OTUB2: variants seen among roughly 807,000 people sequenced by gnomAD.
OTUB2 encodes the protein OTU deubiquitinase, ubiquitin aldehyde binding 2.
Under a neutral mutation model 25.1 loss-of-function variants are expected in OTUB2, and 21 were observed. The ratio of observed to expected loss-of-function variants is 0.84; its 90% CI spans 0.59 to 1.21. The LOEUF is 1.21. Ranked by LOEUF, OTUB2 falls within the 50% of genes most tolerant of loss-of-function variation. The pLI is 0.00. For missense variants in OTUB2, 283 were observed against 298.0 expected, an observed-to-expected ratio of 0.95 and a Z score of 0.37; for synonymous variants, 122 against 122.8, an observed-to-expected ratio of 0.99 and a Z score of 0.04.
In OTUB2 at chr14:94,045,889, C is replaced by G. The variant is rs1210619648; in HGVS notation, c.672C>G (p.His224Gln). ...PSVYLLYKTS[H>Q]YNILYAADKH ...TTTACCTGCTCTATAAAACATCCCACTACAACATCCTTTATGCAGCCGATA... is the reference window on the plus strand; with the variant it reads ...TTTACCTGCTCTATAAAACATCCCAGTACAACATCCTTTATGCAGCCGATA... Residue 224 changes from histidine to glutamine, a missense_variant, in exon 6 of 6, where the codon CAC becomes CAG. Transcript: ENST00000203664. 6.2e-7 allele frequency: 1 copy of G among 1,614,234 alleles called. No individual in the cohort carries two copies. Among genetic ancestry groups the G allele is most frequent in the South Asian group, 1.1e-5 (1 of 91,082 alleles).
Position 94,046,005 on chromosome 14 carries a change from G to A in OTUB2, c.*83G>A. 6.8e-7 allele frequency: 1 copy of A among 1,474,964 alleles called. No homozygotes were observed. The highest frequency in any genetic ancestry group is 9.3e-7 in the Non-Finnish European group (1 of 1,073,108). 91.4% of individuals were successfully genotyped at this position (1,474,964 alleles called of 1,614,324 possible). A position where few individuals can be genotyped will look rare whatever the true frequency, so the allele number is the denominator to read the frequency against. ...ACATTCCGGCTCTTCAATTTTTTAA[G>A]CAATTTAGACTGTAGCAAGAAAATG... On this transcript the variant is annotated 3_prime_UTR_variant, in exon 6 of 6. Coordinates refer to ENST00000203664, the MANE Select transcript of OTUB2 (RefSeq NM_023112.4).
At chr14:94,027,779 C>G (rs1378125507) in intron 1 of OTUB2, among the ~76,000 whole-genome samples, 2 of 152,230 alleles carry the variant, frequency 1.3e-5, no homozygotes, top group South Asian at 4.1e-4. Context: ...CGAGCTGGGA[C>G]TGTCCTTGCC....
chr14:94,044,642 G>T lies in OTUB2; in HGVS notation c.360G>T (p.Lys120Asn), dbSNP rs1312236042. 2 of 1,614,178 alleles carry T rather than the reference G, an allele frequency of 1.2e-6. No homozygotes were observed. The highest frequency in any genetic ancestry group is 1.7e-6 in the Non-Finnish European group (2 of 1,180,040). Residue 120 changes from lysine to asparagine, a missense_variant, in exon 5 of 6, where the codon AAG becomes AAT. Physicochemically the swap from Lys to Asn is moderately conservative, Grantham distance 94. Transcript: ENST00000203664. ...ATGGCTCAGTGTCCAGCCTGCTGAAGGTGTTCAACGACCAGAGTGCCTCGG... is the reference window on the plus strand; with the variant it reads ...ATGGCTCAGTGTCCAGCCTGCTGAATGTGTTCAACGACCAGAGTGCCTCGG... ...EKDGSVSSLL[K>N]VFNDQSASDH...
At chr14:94,034,773 G>A (rs7144849) in intron 1 of OTUB2, among the ~76,000 whole-genome samples, 10,306 of 152,234 alleles carry the variant, frequency 0.068, 1,081 homozygotes, top group African/African-American at 0.23. Flanking sequence ...CATCTGCATT[G>A]ACGGTGGGAA....
At chr14:94,035,497 G>A (rs909887692) in intron 1 of OTUB2, among the ~76,000 whole-genome samples, 1 of 151,862 alleles carries the variant, frequency 6.6e-6, no homozygotes, top group Non-Finnish European at 1.5e-5. Flanking sequence ...CGCCATCTTG[G>A]ACAGGCTGGT....
At chr14:94,037,876 G>T (rs1452260169) in intron 2 of OTUB2, among the ~76,000 whole-genome samples, 1 of 152,256 alleles carries the variant, frequency 6.6e-6, no homozygotes, top group Non-Finnish European at 1.5e-5. Flanking sequence ...ATTCATAACT[G>T]CTGTGCTGGG....
chr14:94,044,415 C>T (rs566515522), intron 4 of OTUB2, among the ~76,000 whole-genome samples, 171 bp from the exon 5 acceptor site: 34 of 152,334 alleles, frequency 2.2e-4, no homozygotes, highest in Admixed American at 2.1e-3. Flanking sequence ...CTTGCTAACC[C>T]TGGGTTACTT....
rs562215942 is a variant in OTUB2 at position 94,031,354 on chromosome 14, T to A, written c.3+4814T>A. Among the ~76,000 whole-genome samples the A allele has an allele frequency of 7.0e-4, 107 of 152,292 alleles. 1 individual carries two copies. The highest frequency in any genetic ancestry group is 2.5e-3 in the African/African-American group (104 of 41,562). ...TATTTCCTTCCAGCCCCTGGAGCAG[T>A]CCATAGTGCTGGGCCCATGGCTGCG... On this transcript the variant is annotated intron_variant, in intron 1 of 5. Transcript: ENST00000203664.
chr14:94,032,251 A>G (rs937639009), intron 1 of OTUB2, among the ~76,000 whole-genome samples: 7 of 152,238 alleles, frequency 4.6e-5, no homozygotes, highest in Admixed American at 3.9e-4. Flanking sequence ...CATCACCTGC[A>G]GATGGAGGTA....
rs1470310813 is a variant in OTUB2, at chr14:94,043,411, G to A, written c.219-560G>A. 2.6e-5 allele frequency among the ~76,000 whole-genome samples: 4 copies of A among 152,196 alleles called. No homozygotes were observed. The East Asian group carries it at 7.7e-4, about 29-fold the overall frequency. ...GTCCTGGAGCCAGGGCCAGGCCCAGGCCTGGGTTTCTTGCCATACCCCCTG... is the reference window on the plus strand; with the variant it reads ...GTCCTGGAGCCAGGGCCAGGCCCAGACCTGGGTTTCTTGCCATACCCCCTG... On this transcript the variant is annotated intron_variant, in intron 3 of 5. Coordinates refer to ENST00000203664, the MANE Select transcript of OTUB2 (RefSeq NM_023112.4).
chr14:94,028,869 G>C (rs1352028451), intron 1 of OTUB2, among the ~76,000 whole-genome samples: 1 of 152,204 alleles, frequency 6.6e-6, no homozygotes, highest in Non-Finnish European at 1.5e-5. Flanking sequence ...CTTTTGAGCT[G>C]AGTTGAAGGA....
rs1182372756 is a variant in OTUB2, at chr14:94,048,754, G to C, written c.*2832G>C. The C allele has an allele frequency of 8.2e-6, 1 of 122,026 alleles. No individual in the cohort carries two copies. The highest frequency in any genetic ancestry group is 1.6e-5 in the Non-Finnish European group (1 of 61,576). The allele number at this position is 122,026 out of a possible 1,614,324, so 7.6% of individuals were successfully genotyped here. A position where few individuals can be genotyped will look rare whatever the true frequency, so the allele number is the denominator to read the frequency against. ...AGCAGGAGTGTCAGGGGAACCATGAGAGAGAGTCTAGGAGCAAACACATCA... is the reference window on the plus strand; with the variant it reads ...AGCAGGAGTGTCAGGGGAACCATGACAGAGAGTCTAGGAGCAAACACATCA... On this transcript the variant is annotated 3_prime_UTR_variant, in exon 6 of 6. Transcript: ENST00000203664.
rs142656840 is a variant in OTUB2 at position 94,038,997 on chromosome 14, C to T, written c.134C>T (p.Thr45Ile). 5 of 1,614,084 alleles carry T rather than the reference C, an allele frequency of 3.1e-6. No homozygotes were observed. The African/African-American group carries it at 6.7e-5, about 22-fold the overall frequency. ...LSKRFTAIRK[T>I]KGDGNCFYRA... ...AAAAGGTTCACCGCCATCCGCAAGACCAAAGGGGATGGGAACTGCTTCTAC... is the reference window on the plus strand; with the variant it reads ...AAAAGGTTCACCGCCATCCGCAAGATCAAAGGGGATGGGAACTGCTTCTAC... Residue 45 changes from threonine to isoleucine, a missense_variant, in exon 3 of 6, where the codon ACC becomes ATC. Transcript: ENST00000203664.
chr14:94,032,220 G>A lies in OTUB2; in HGVS notation c.4-5160G>A, dbSNP rs752144705. ...TAATTACATCTGGGACCACTGGTGCGCTGGAGCTAGCCCAAGGTTCCATCA... is the reference window on the plus strand; with the variant it reads ...TAATTACATCTGGGACCACTGGTGCACTGGAGCTAGCCCAAGGTTCCATCA... On this transcript the variant is annotated intron_variant, in intron 1 of 5. Coordinates refer to ENST00000203664, the MANE Select transcript of OTUB2 (RefSeq NM_023112.4). 7.2e-5 allele frequency among the ~76,000 whole-genome samples: 11 copies of A among 152,296 alleles called. No individual in the cohort carries two copies. The South Asian group carries it at 8.3e-4, about 11-fold the overall frequency.
At chr14:94,040,046 T>C (rs186790080) in intron 3 of OTUB2, among the ~76,000 whole-genome samples, 45 of 152,118 alleles carry the variant, frequency 3.0e-4, no homozygotes, top group African/African-American at 1.0e-3. Flanking sequence ...GACATAGTAG[T>C]AGTAACCCCC....
Position 94,045,911 on chromosome 14 carries a change from G to A in OTUB2, c.694G>A (p.Asp232Asn), listed in dbSNP as rs759271127. The change falls in exon 6 of 6, where the codon GAT (aspartate) becomes AAT (asparagine). Residue 232 changes from aspartate to asparagine, a missense_variant. Physicochemically the swap from Asp to Asn is conservative, Grantham distance 23. Transcript: ENST00000203664. ...CCACTACAACATCCTTTATGCAGCC[G>A]ATAAACATTGATTAATTTTAGGCCA... ...TSHYNILYAADKH is the reference protein window; with the variant it reads ...TSHYNILYAANKH 15 of 1,613,918 alleles carry A rather than the reference G, an allele frequency of 9.3e-6. No homozygotes were observed. The East Asian group carries it at 1.3e-4, about 14-fold the overall frequency.
intron 2 of OTUB2, among the ~76,000 whole-genome samples, chr14:94,038,163 C>T (rs549433621): frequency 9.8e-5 from 15 of 152,390 alleles, no homozygotes; most frequent in African/African-American, 3.6e-4. Context: ...TCCTCAGAGA[C>T]TCTGATAGGT....
chr14:94,044,280 C>T (rs1183195150), intron 4 of OTUB2, among the ~76,000 whole-genome samples: 5 of 152,174 alleles, frequency 3.3e-5, no homozygotes, highest in Non-Finnish European at 5.9e-5. Flanking sequence ...GGGGCGGGAT[C>T]GAGGACTCTC....
chr14:94,038,909 C>T, intron 2 of OTUB2, 54 bp from the exon 3 acceptor site: 2 of 1,540,154 alleles, frequency 1.3e-6, no homozygotes, highest in Non-Finnish European at 1.8e-6. Context: ...AGTGCCCAAA[C>T]CACACAGAGC....
Sources: gnomAD v4.1 joint callset for allele counts (sites outside exome capture counted in the v4.1 genomes callset) on GRCh38, gnomAD v4.1.1 for gene constraint, MANE v1.5 for transcripts, NCBI Gene and HGNC (gene_info 2026-07-23, HGNC 2026-07-21) for gene names.